TMCC1: variants seen among roughly 807,000 people sequenced by gnomAD.
TMCC1 encodes the protein transmembrane and coiled-coil domain family 1.
A neutral mutation model predicts 52.4 loss-of-function variants in TMCC1; 15 were observed. That is an observed-to-expected ratio of 0.29 (90% CI 0.19 to 0.44). The LOEUF (loss-of-function observed/expected upper bound fraction) is 0.44. Among genes scored for constraint, TMCC1 ranks in the 20% least tolerant of loss-of-function variants. The pLI, the probability that TMCC1 is intolerant of heterozygous loss-of-function variation, is 1.00. For missense variants in TMCC1, 503 were observed against 806.0 expected (o/e 0.62, Z 4.55); for synonymous variants, 279 against 301.9 (o/e 0.92, Z 0.79).
chr3:129,821,790 T>G (rs1374345052), intron 4 of TMCC1, among the ~76,000 whole-genome samples: 1 of 152,108 alleles, frequency 6.6e-6, no homozygotes, highest in African/African-American at 2.4e-5. Flanking sequence ...CGTGGCCACA[T>G]GCAGTGGCTC....
At chr3:129,720,900 T>C (rs182377981) in intron 4 of TMCC1, among the ~76,000 whole-genome samples, 1 of 152,138 alleles carries the variant, frequency 6.6e-6, no homozygotes, top group Non-Finnish European at 1.5e-5. Flanking sequence ...ACTATGTTGC[T>C]CACGCTGGTC....
At position 129,830,818 on chromosome 3, in the gene TMCC1, T is replaced by G. The variant is rs373248580; in HGVS notation, c.-131+1956A>C. Reference sequence around the variant, plus strand: ...GCAAATCTACTTATTTGGGCACTATTATAAACTAATCAACTGGTCATCTGG... The same window carrying G: ...GCAAATCTACTTATTTGGGCACTATGATAAACTAATCAACTGGTCATCTGG... On this transcript the variant is annotated intron_variant, in intron 3 of 6. Coordinates refer to ENST00000393238, the MANE Select transcript of TMCC1 (RefSeq NM_001017395.5). 1.7e-4 allele frequency among the ~76,000 whole-genome samples: 26 copies of G among 152,354 alleles called. No homozygotes were observed. In the South Asian group the frequency reaches 5.4e-3, roughly 32 times the overall value.
chr3:129,681,228 AT>A (rs1202177757), intron 4 of TMCC1, among the ~76,000 whole-genome samples: 1 of 152,156 alleles, frequency 6.6e-6, no homozygotes, highest in Non-Finnish European at 1.5e-5. Flanking sequence ...AGCAGATGGT[AT>A]TTTTGCTGCA....
At chr3:129,878,029 G>C (rs577823883) in intron 2 of TMCC1, among the ~76,000 whole-genome samples, 1 of 151,726 alleles carries the variant, frequency 6.6e-6, no homozygotes, top group East Asian at 1.9e-4. Context: ...CGCAATCTCG[G>C]CTCACTGCAA....
chr3:129,717,623 TTCTTCCAGC>T (rs2049205766), intron 4 of TMCC1, among the ~76,000 whole-genome samples: 1 of 152,212 alleles, frequency 6.6e-6, no homozygotes, highest in African/African-American at 2.4e-5. Context: ...GACAAATCTA[TTCTTCCAGC>T]TGTTTAGGTT....
In TMCC1 at chr3:129,875,513, A is replaced by C. The variant is rs1285188735; in HGVS notation, c.-184+4796T>G. ...CTCAAAAAAAAAAAAAAAAAAAAAAAAAACAACACAAACACACCCAAAAAA... is the reference window on the plus strand; with the variant it reads ...CTCAAAAAAAAAAAAAAAAAAAAAACAAACAACACAAACACACCCAAAAAA... On this transcript the variant is annotated intron_variant, in intron 2 of 6. Coordinates refer to ENST00000393238, the MANE Select transcript of TMCC1 (RefSeq NM_001017395.5). Among the ~76,000 whole-genome samples the C allele has an allele frequency of 2.7e-5, 4 of 150,704 alleles. No individual in the cohort carries two copies. In the South Asian group the frequency reaches 8.3e-4, roughly 31 times the overall value.
At chr3:129,760,897 C>G (rs1034601094) in intron 4 of TMCC1, among the ~76,000 whole-genome samples, 9 of 152,284 alleles carry the variant, frequency 5.9e-5, no homozygotes, top group East Asian at 3.9e-4. Context: ...CAGGTGTGAG[C>G]CACTGCACCC....
intron 2 of TMCC1, among the ~76,000 whole-genome samples, chr3:129,837,734 G>C (rs960017275): frequency 7.2e-5 from 11 of 152,108 alleles, no homozygotes; most frequent in African/African-American, 1.9e-4. Flanking sequence ...CAGTAAATTA[G>C]AACGTGATTA....
At chr3:129,705,709 TCTC>T (rs950960061) in intron 4 of TMCC1, among the ~76,000 whole-genome samples, 3 of 150,320 alleles carry the variant, frequency 2.0e-5, no homozygotes, top group Non-Finnish European at 4.4e-5. Flanking sequence ...TTCACGCCAT[TCTC>T]CTCTTGAGTA....
chr3:129,688,737 T>C, intron 4 of TMCC1: 1 of 985,442 alleles, frequency 1.0e-6, no homozygotes, highest in Non-Finnish European at 1.2e-6. Flanking sequence ...TGCAAATGAA[T>C]AGTTTGACTC....
chr3:129,689,104 G>C (rs2089622299), intron 4 of TMCC1, among the ~76,000 whole-genome samples: 2 of 152,100 alleles, frequency 1.3e-5, no homozygotes, highest in African/African-American at 4.8e-5. Context: ...AATGAAAATA[G>C]AACATGAGTG....
chr3:129,683,211 C>G (rs1198967969), intron 4 of TMCC1, among the ~76,000 whole-genome samples: 1 of 152,248 alleles, frequency 6.6e-6, no homozygotes, highest in African/African-American at 2.4e-5. Flanking sequence ...CCTTTTCATG[C>G]CAACCATAGG....
Position 129,828,472 on chromosome 3 carries a change from T to A in TMCC1, c.-94A>T. 1.7e-6 allele frequency: 2 copies of A among 1,201,852 alleles called. No homozygotes were observed. Among genetic ancestry groups the A allele is most frequent in the Non-Finnish European group, 2.4e-6 (2 of 843,762 alleles). 74.4% of individuals were successfully genotyped at this position (1,201,852 alleles called of 1,614,324 possible). A position where few individuals can be genotyped will look rare whatever the true frequency, so the allele number is the denominator to read the frequency against. On this transcript the variant is annotated 5_prime_UTR_variant, in exon 4 of 7. Coordinates refer to ENST00000393238, the MANE Select transcript of TMCC1 (RefSeq NM_001017395.5). The surrounding 1 kb of genome is among the most constrained non-coding windows in gnomAD (Gnocchi z 4.1). Reference sequence around the variant, plus strand: ...GGTAGGCATTTGCTTCAACAGTGACTACGCATGCAGCTGTGAGACGAAGGC... The same window carrying A: ...GGTAGGCATTTGCTTCAACAGTGACAACGCATGCAGCTGTGAGACGAAGGC...
intron 5 of TMCC1, among the ~76,000 whole-genome samples, chr3:129,669,999 T>C (rs2087784331): frequency 6.6e-6 from 1 of 150,818 alleles, no homozygotes. Flanking sequence ...GGTGATATCT[T>C]TGATATCTAC....
At chr3:129,694,339 A>AAGG (rs2047239431) in intron 4 of TMCC1, among the ~76,000 whole-genome samples, 1 of 152,260 alleles carries the variant, frequency 6.6e-6, no homozygotes, top group African/African-American at 2.4e-5. Flanking sequence ...ATGCCCCTGT[A>AAGG]TGACTAACTA....
At chr3:129,845,386 T>C (rs2059616453) in intron 2 of TMCC1, among the ~76,000 whole-genome samples, 2 of 152,120 alleles carry the variant, frequency 1.3e-5, no homozygotes, top group South Asian at 2.1e-4. Context: ...AATCTATAAA[T>C]ATCTCCATGT....
At chr3:129,874,685 C>T (rs2061105704) in intron 2 of TMCC1, among the ~76,000 whole-genome samples, 1 of 151,846 alleles carries the variant, frequency 6.6e-6, no homozygotes, top group African/African-American at 2.4e-5. Context: ...AGCAAGACCC[C>T]ATCTCTACAA....
At chr3:129,865,930 C>T (rs1157181595) in intron 2 of TMCC1, among the ~76,000 whole-genome samples, 2 of 152,160 alleles carry the variant, frequency 1.3e-5, no homozygotes, top group East Asian at 3.9e-4. Flanking sequence ...TGCAGATGTC[C>T]AGCAGGCAGT....
chr3:129,766,370 ATT>A (rs1326363973), intron 4 of TMCC1, among the ~76,000 whole-genome samples: 1 of 152,190 alleles, frequency 6.6e-6, no homozygotes, highest in Non-Finnish European at 1.5e-5. Flanking sequence ...TCATGCAAAC[ATT>A]TTGAGTTTAT....
Sources: allele counts gnomAD v4.1 joint callset (sites outside exome capture counted in the v4.1 genomes callset), GRCh38; gene constraint gnomAD v4.1.1; non-coding constraint Gnocchi (gnomAD v3.1); transcripts MANE v1.5; gene names NCBI Gene and HGNC (gene_info 2026-07-23, HGNC 2026-07-21).